Variants in MCM3AP observed in about 807,000 individuals in gnomAD.
The protein encoded by MCM3AP is minichromosome maintenance complex component 3 associated protein, also known as germinal-center associated nuclear protein.
A neutral mutation model predicts 184.1 loss-of-function variants in MCM3AP; 126 were observed. The ratio of observed to expected loss-of-function variants is 0.68; its 90% CI spans 0.59 to 0.79. MCM3AP has a LOEUF of 0.79. Among genes scored for constraint, MCM3AP ranks in the 30% least tolerant of loss-of-function variants. The probability of loss-of-function intolerance (pLI) is 0.00; values close to 1 mark genes in which losing one functional copy is unlikely to be tolerated. For synonymous variants in MCM3AP, 1,002 were observed against 979.3 expected (o/e 1.02, Z -0.43); for missense variants, 2,496 against 2,479.2 (o/e 1.01, Z -0.14).
chr21:46,243,427 C>T lies in MCM3AP; in HGVS notation c.5296+38G>A, dbSNP rs148101810. On this transcript the variant is annotated intron_variant, in intron 24 of 27. Transcript: ENST00000291688. ...TGCAGAAACTGGACCAGGAAAGTCT[C>T]GTGAGGAGCTGATCCCATTGCATCA... 1.1e-4 allele frequency: 175 copies of T among 1,552,446 alleles called. No individual in the cohort carries two copies. The African/African-American group carries it at 2.0e-3, about 18-fold the overall frequency.
At chr21:46,237,440 T>TTAGTAATC (rs1359432449) in intron 26 of MCM3AP, among the ~76,000 whole-genome samples, 3 of 125,600 alleles carry the variant, frequency 2.4e-5, no homozygotes, top group African/African-American at 6.3e-5. Context: ...GGTCTCGCTC[T>TTAGTAATC]GTTGGCCAGG....
rs777585482 is a variant in MCM3AP at position 46,285,060 on chromosome 21, G to A, written c.227C>T (p.Thr76Ile). The A allele has an allele frequency of 1.9e-6, 3 of 1,614,092 alleles. No homozygotes were observed. The highest frequency in any genetic ancestry group is 2.5e-6 in the Non-Finnish European group (3 of 1,180,042). ...AAAGGGTCCAACACTTGAGGTTTGGGTGAACCCTAATGTTTGCACTGAAGA... is the reference window on the plus strand; with the variant it reads ...AAAGGGTCCAACACTTGAGGTTTGGATGAACCCTAATGTTTGCACTGAAGA... ...HSSSVQTLGF[T>I]QTSSVGPFSG... The change falls in exon 1 of 28, where the codon ACC (threonine) becomes ATC (isoleucine). Residue 76 changes from threonine to isoleucine, a missense_variant. This residue lies in a region of MCM3AP where 800 missense variants were observed against 717.1 expected (regional missense o/e 1.12). Coordinates refer to ENST00000291688, the MANE Select transcript of MCM3AP (RefSeq NM_003906.5).
chr21:46,267,243 G>T, intron 9 of MCM3AP, 101 bp from the exon 10 acceptor site: 2 of 1,151,058 alleles, frequency 1.7e-6, no homozygotes, highest in Non-Finnish European at 2.5e-6. Flanking sequence ...GGGCACATGG[G>T]CTCCTCCTGG....
rs1038826598 is a variant in MCM3AP, at chr21:46,257,849, T to C, written c.3735-863A>G. On this transcript the variant is annotated intron_variant, in intron 16 of 27. Transcript: ENST00000291688. ...CTGAGGCAGAAGAATCACTTGAACC[T>C]GGGAGGTGGAGGTTGCAGTGAGCTG... 4.9e-5 allele frequency among the ~76,000 whole-genome samples: 7 copies of C among 143,046 alleles called. No homozygotes were observed. The Admixed American group carries it at 5.2e-4, about 11-fold the overall frequency. 93.8% of individuals were successfully genotyped at this position (143,046 alleles called of 152,430 possible).
At position 46,256,935 on chromosome 21, in the gene MCM3AP, A is replaced by G. The variant is rs772550442; in HGVS notation, c.3786T>C (p.Ala1262=). 13 of 1,612,376 alleles carry G rather than the reference A, an allele frequency of 8.1e-6. No individual in the cohort carries two copies. In the South Asian group the frequency reaches 1.1e-4, roughly 14 times the overall value. The change falls in exon 17 of 28, where the codon GCT becomes GCC. Residue 1262 remains alanine (A), a synonymous_variant. Transcript: ENST00000291688. ...CCACGCAGCAGGGCGCAGCAGGGAA[A>G]GCCCGCATTTGGCGCCTCAGTTTCT... The part of the protein sequence containing the change: ...ARKKLRRQMR[A]FPAAPCCVDV...
In MCM3AP at chr21:46,243,720, G is replaced by C. The variant is rs372224273; in HGVS notation, c.5041C>G (p.Pro1681Ala). 6.2e-7 allele frequency: 1 copy of C among 1,613,442 alleles called. No individual in the cohort carries two copies. Among genetic ancestry groups the C allele is most frequent in the Admixed American group, 1.7e-5 (1 of 59,944 alleles). Residue 1681 changes from proline (P) to alanine (A), a missense_variant and splice_region_variant, in exon 24 of 28, where the codon CCC becomes GCC. Around this residue, in one of 5 missense-constraint regions of MCM3AP, gnomAD observed 1,323 missense variants for 1,273.4 expected, o/e 1.04. Coordinates refer to ENST00000291688, the MANE Select transcript of MCM3AP (RefSeq NM_003906.5). ...ACCATGGAGCACACGGGGAGCCAGG[G>C]GGCTGGGGAGAAAGTGCCTCATTAG... ...PQMDLPPLGA[P>A]WLPVCSMVVQ... is the part of the protein sequence containing the mutation.
intron 10 of MCM3AP, chr21:46,266,667 CGT>C (rs2081116616): frequency 3.0e-6 from 1 of 335,632 alleles, no homozygotes; most frequent in Non-Finnish European, 5.5e-6. Flanking sequence ...AGAGGTTGTC[CGT>C]CATTGGCTGG....
intron 2 of MCM3AP, among the ~76,000 whole-genome samples, chr21:46,283,177 G>A (rs910594425): frequency 6.6e-6 from 1 of 152,096 alleles, no homozygotes; most frequent in African/African-American, 2.4e-5. Flanking sequence ...CGCCCACCTT[G>A]GCCTCCCCAG....
At position 46,267,093 on chromosome 21, in the gene MCM3AP, G is replaced by A. The variant is rs1236336144; in HGVS notation, c.2678C>T (p.Thr893Ile). 45 of 1,614,090 alleles carry A rather than the reference G, an allele frequency of 2.8e-5. No individual in the cohort carries two copies. Among genetic ancestry groups the A allele is most frequent in the Non-Finnish European group, 3.7e-5 (44 of 1,179,992 alleles). The change falls in exon 10 of 28, where the codon ACA (threonine) becomes ATA (isoleucine). Residue 893 changes from threonine (T) to isoleucine (I), a missense_variant. Physicochemically the swap from Thr to Ile is moderately conservative, Grantham distance 89. Around this residue, in one of 5 missense-constraint regions of MCM3AP, gnomAD observed 138 missense variants for 191.9 expected, o/e 0.72. Coordinates refer to ENST00000291688, the MANE Select transcript of MCM3AP (RefSeq NM_003906.5). ...CAGGGGAAAGATGGTAGATCGCTGT[G>A]TGCTCACCGTGTACGCAAAGTTGAG... ...RALNFAYTVS[T>I]QRSTIFPLDG...
Position 46,244,648 on chromosome 21 carries a change from C to T in MCM3AP, c.5038+159G>A, listed in dbSNP as rs115021187. On this transcript the variant is annotated intron_variant, in intron 23 of 27. Transcript: ENST00000291688. ...GTTCTGGCTCATGAACCCAAAGGAC[C>T]AAAGGAAGGTGCAGGCGAGCACAGC... 1,953 of 786,606 alleles carry T rather than the reference C, an allele frequency of 2.5e-3. 30 individuals are homozygous for T. The African/African-American group carries it at 0.03, about 12-fold the overall frequency. The allele number at this position is 786,606 out of a possible 1,614,324, so 48.7% of individuals were successfully genotyped here.
intron 4 of MCM3AP, 130 bp from the exon 5 acceptor site, chr21:46,277,847 AATGAG>A (rs1259140431): frequency 2.0e-6 from 1 of 504,188 alleles, no homozygotes; most frequent in African/African-American, 2.0e-5. Context: ...CAAGCACTGA[AATGAG>A]ATGAGTTTTG....
rs548632117 is a variant in MCM3AP at position 46,278,349 on chromosome 21, C to T, written c.1668-632G>A. On this transcript the variant is annotated intron_variant, in intron 4 of 27. Transcript: ENST00000291688. The stretch of plus-strand genomic sequence containing the variant: ...CTAAAAGGAATCAGGCATTCTCTCT[C>T]AGCTTCCCCATTTTCTAGCTTTCAT... Among the ~76,000 whole-genome samples, 3 of 152,314 alleles carry T rather than the reference C, an allele frequency of 2.0e-5. No individual in the cohort carries two copies. The South Asian group carries it at 6.2e-4, about 32-fold the overall frequency.
In MCM3AP at chr21:46,256,822, C is replaced by T. The variant is rs750301438; in HGVS notation, c.3899G>A (p.Gly1300Asp). The change falls in exon 17 of 28, where the codon GGC becomes GAC. Residue 1300 changes from glycine (G) to aspartate (D), a missense_variant. Physicochemically the swap from Gly to Asp is moderately conservative, Grantham distance 94 (BLOSUM62 -1). This residue lies in a region of MCM3AP where 1,323 missense variants were observed against 1,273.4 expected (regional missense o/e 1.04). Transcript: ENST00000291688. ...ENLARGLLDL[G>D]HAGRLGISCT... is the part of the protein sequence containing the mutation. Reference sequence around the variant, plus strand: ...GGAGATGCCCAATCTCCCTGCATGGCCCAGGTCCAGGAGGCCCCTGGCCAG... The same window carrying T: ...GGAGATGCCCAATCTCCCTGCATGGTCCAGGTCCAGGAGGCCCCTGGCCAG... 1.9e-6 allele frequency: 3 copies of T among 1,561,956 alleles called. No homozygotes were observed. Among genetic ancestry groups the T allele is most frequent in the African/African-American group, 2.7e-5 (2 of 73,714 alleles).
At chr21:46,272,400 G>A (rs2081192335) in intron 8 of MCM3AP, among the ~76,000 whole-genome samples, 161 bp downstream of exon 8, 1 of 152,206 alleles carries the variant, frequency 6.6e-6, no homozygotes, top group Admixed American at 6.5e-5. Context: ...GCTCAGCTCA[G>A]CCGACTGCAA....
At chr21:46,278,163 CGA>C (rs1569080109) in intron 4 of MCM3AP, among the ~76,000 whole-genome samples, 4 of 114,382 alleles carry the variant, frequency 3.5e-5, no homozygotes, top group Admixed American at 2.8e-4. Context: ...TACCACCCCC[CGA>C]AAAAAAAAAA....
At chr21:46,265,786 C>G in intron 11 of MCM3AP, 139 bp downstream of exon 11, 1 of 1,110,948 alleles carries the variant, frequency 9.0e-7, no homozygotes, top group Non-Finnish European at 1.3e-6. Context: ...AGAGCCACAC[C>G]CCTGGGCCCC....
In MCM3AP at chr21:46,254,853, G is replaced by A; in HGVS notation, c.3933-9C>T. The A allele has an allele frequency of 6.2e-7, 1 of 1,612,492 alleles. No homozygotes were observed. The highest frequency in any genetic ancestry group is 8.5e-7 in the Non-Finnish European group (1 of 1,178,586). On this transcript the variant is annotated splice_polypyrimidine_tract_variant and intron_variant, in intron 17 of 27. Transcript: ENST00000291688. ...TTCTGAGCCGCCTTAACCTGCAAAG[G>A]AAAGCAGAATGACAGTGTCCCCGCA...
At chr21:46,243,381 C>T in intron 24 of MCM3AP, 84 bp downstream of exon 24, 1 of 1,464,106 alleles carries the variant, frequency 6.8e-7, no homozygotes, top group East Asian at 2.3e-5. Flanking sequence ...AAAGCAGCAA[C>T]ATCAACTAAA....
intron 27 of MCM3AP, 131 bp from the exon 28 acceptor site, chr21:46,235,557 A>C (rs1051334514): frequency 2.8e-6 from 2 of 718,252 alleles, no homozygotes; most frequent in Non-Finnish European, 4.6e-6. Flanking sequence ...CAGAGGGAAA[A>C]AAATTATCCT....
Sources: gnomAD v4.1 joint callset for allele counts (sites outside exome capture counted in the v4.1 genomes callset) on GRCh38, gnomAD v4.1.1 for gene constraint, gnomAD v4.1.1 regional missense constraint, MANE v1.5 for transcripts, NCBI Gene and HGNC (gene_info 2026-07-23, HGNC 2026-07-21) for gene names.